The following CMIP variants were observed in gnomAD, a reference collection of about 807,000 sequenced individuals.
CMIP encodes c-Maf inducing protein, also known as C-Maf-inducing protein.
A neutral mutation model predicts 97.3 loss-of-function variants in CMIP; 13 were observed. That is an observed-to-expected ratio of 0.13 (90% CI 0.09 to 0.21). The LOEUF (loss-of-function observed/expected upper bound fraction) is 0.21, where lower values mean the gene tolerates loss of function less well. CMIP is among the 10% of genes least tolerant of loss of function. The pLI is 1.00. For synonymous variants in CMIP, 538 were observed against 436.3 expected (o/e 1.23, Z -2.91); for missense variants, 847 against 1,024.9 (o/e 0.83, Z 2.37).
At chr16:81,584,446 A>G (rs1038324526) in intron 1 of CMIP, among the ~76,000 whole-genome samples, 3 of 152,218 alleles carry the variant, frequency 2.0e-5, no homozygotes, top group African/African-American at 7.2e-5. Flanking sequence ...GTGTAAGGCC[A>G]TGTTTGTATA....
At chr16:81,483,137 G>C (rs1298416628) in intron 1 of CMIP, among the ~76,000 whole-genome samples, 1 of 152,230 alleles carries the variant, frequency 6.6e-6, no homozygotes, top group Non-Finnish European at 1.5e-5. Context: ...GGGAGGGTGT[G>C]GCGTCTGTGT....
intron 1 of CMIP, among the ~76,000 whole-genome samples, chr16:81,545,565 CT>C (rs745772564): frequency 1.3e-4 from 20 of 152,302 alleles, no homozygotes; most frequent in Admixed American, 2.6e-4. Flanking sequence ...CAGCATCCTC[CT>C]CCATCTACAG....
intron 10 of CMIP, among the ~76,000 whole-genome samples, chr16:81,690,202 G>T (rs1905895642): frequency 6.6e-6 from 1 of 152,214 alleles, no homozygotes; most frequent in Non-Finnish European, 1.5e-5. Context: ...AAAGTCATTG[G>T]TAGGTTGATG....
At chr16:81,457,708 G>A (rs1459343322) in intron 1 of CMIP, among the ~76,000 whole-genome samples, 1 of 152,212 alleles carries the variant, frequency 6.6e-6, no homozygotes, top group Non-Finnish European at 1.5e-5. Flanking sequence ...GGGGCTGCCC[G>A]GGCTGGCATG....
At chr16:81,498,388 G>A (rs2089532079) in intron 1 of CMIP, among the ~76,000 whole-genome samples, 2 of 152,188 alleles carry the variant, frequency 1.3e-5, no homozygotes, top group South Asian at 4.1e-4. Flanking sequence ...GTGAGATGCG[G>A]CCCTTGTCCC....
intron 20 of CMIP, among the ~76,000 whole-genome samples, chr16:81,708,645 C>T (rs1048054979): frequency 2.0e-5 from 3 of 152,234 alleles, no homozygotes; most frequent in Admixed American, 2.0e-4. Flanking sequence ...GGCCTCTGCT[C>T]AGTGCCAGGC....
chr16:81,472,189 G>A lies in CMIP; in HGVS notation c.300+26648G>A, dbSNP rs1039106371. 3.3e-5 allele frequency among the ~76,000 whole-genome samples: 5 copies of A among 152,304 alleles called. No homozygotes were observed. The East Asian group carries it at 9.6e-4, about 29-fold the overall frequency. On this transcript the variant is annotated intron_variant, in intron 1 of 20. Transcript: ENST00000537098. The stretch of plus-strand genomic sequence containing the variant: ...TCTCACTTATTGCATTTGTGTTTCT[G>A]ATGTATATGTAACTTTGGGCAAGTT...
intron 1 of CMIP, among the ~76,000 whole-genome samples, chr16:81,544,744 C>T (rs752930358): frequency 3.1e-4 from 47 of 150,532 alleles, no homozygotes; most frequent in African/African-American, 1.0e-3. Flanking sequence ...TGTGTGTGTG[C>T]GTGTATTTGT....
intron 1 of CMIP, among the ~76,000 whole-genome samples, chr16:81,515,565 G>T (rs2089896677): frequency 6.6e-6 from 1 of 152,172 alleles, no homozygotes; most frequent in Admixed American, 6.5e-5. Context: ...CAGCCCAAGA[G>T]CATCGTTAAG....
chr16:81,567,869 A>G lies in CMIP; in HGVS notation c.301-39698A>G, dbSNP rs73596464. 6.0e-3 allele frequency among the ~76,000 whole-genome samples: 918 copies of G among 152,266 alleles called. 6 individuals carry two copies. Among genetic ancestry groups the G allele is most frequent in the African/African-American group, 0.021 (875 of 41,546 alleles). On this transcript the variant is annotated intron_variant, in intron 1 of 20. Transcript: ENST00000537098. ...CCTGGGCACGTAGTAGGTGCTTGAT[A>G]AATAGTTGTTGACTTGACTTGTTAG...
intron 14 of CMIP, chr16:81,697,547 G>C (rs917088516): frequency 1.3e-5 from 2 of 152,244 alleles, no homozygotes; most frequent in African/African-American, 4.8e-5. Context: ...ACCTTGGGCT[G>C]GTAACTTGCC....
chr16:81,681,754 T>C (rs1904897082), intron 10 of CMIP, among the ~76,000 whole-genome samples: 1 of 152,224 alleles, frequency 6.6e-6, no homozygotes, highest in Non-Finnish European at 1.5e-5. Flanking sequence ...AATGCAGCCG[T>C]GGGCCTGAGC....
Position 81,678,647 on chromosome 16 carries a change from T to C in CMIP, c.1388+19T>C. ...AGCTGCTGTGAGTGCCCCCCCCGCG[T>C]GCCCGCCCCCGGGGCCGGTGGGAGG... On this transcript the variant is annotated intron_variant, in intron 10 of 20. Transcript: ENST00000537098. 1 of 1,208,746 alleles carries C rather than the reference T, an allele frequency of 8.3e-7. No homozygotes were observed. Among genetic ancestry groups the C allele is most frequent in the Non-Finnish European group, 1.2e-6 (1 of 835,438 alleles). The allele number at this position is 1,208,746 out of a possible 1,614,324, so 74.9% of individuals were successfully genotyped here.
intron 3 of CMIP, among the ~76,000 whole-genome samples, chr16:81,629,751 C>T (rs576881362): frequency 2.6e-5 from 4 of 152,360 alleles, no homozygotes; most frequent in African/African-American, 7.2e-5. Context: ...TGCCGTGCCA[C>T]AGCGCCCAAG....
At chr16:81,508,936 G>T (rs1273003879) in intron 1 of CMIP, among the ~76,000 whole-genome samples, 3 of 152,218 alleles carry the variant, frequency 2.0e-5, no homozygotes, top group Non-Finnish European at 4.4e-5. Context: ...CCTTGGCCTT[G>T]CCTGCCATTC....
chr16:81,656,811 G>A (rs922524087), intron 4 of CMIP, among the ~76,000 whole-genome samples: 9 of 151,904 alleles, frequency 5.9e-5, no homozygotes, highest in African/African-American at 2.2e-4. Flanking sequence ...TTGTAGAGAC[G>A]GGGTTTCACC....
At chr16:81,547,682 C>T (rs1035753298) in intron 1 of CMIP, among the ~76,000 whole-genome samples, 3 of 151,986 alleles carry the variant, frequency 2.0e-5, no homozygotes, top group African/African-American at 4.8e-5. Context: ...ATTGAGTGTC[C>T]GTTAGTTCAG....
At chr16:81,597,599 G>C (rs571942853) in intron 1 of CMIP, among the ~76,000 whole-genome samples, 39 of 151,610 alleles carry the variant, frequency 2.6e-4, no homozygotes, top group East Asian at 2.0e-3. Context: ...GGAGCGGGGG[G>C]GGGGGAGTCT....
At chr16:81,531,063 A>G (rs561482785) in intron 1 of CMIP, among the ~76,000 whole-genome samples, 50 of 152,312 alleles carry the variant, frequency 3.3e-4, no homozygotes, top group African/African-American at 1.2e-3. Flanking sequence ...ACCTGTGAGC[A>G]TGACCTTCTT....
Sources: allele counts gnomAD v4.1 joint callset (sites outside exome capture counted in the v4.1 genomes callset), GRCh38; gene constraint gnomAD v4.1.1; transcripts MANE v1.5; gene names NCBI Gene and HGNC (gene_info 2026-07-23, HGNC 2026-07-21).